LINGO2: variants seen among roughly 807,000 people sequenced by gnomAD.
LINGO2 encodes leucine rich repeat and Ig domain containing 2.
A neutral mutation model predicts 30.6 loss-of-function variants in LINGO2; 14 were observed. That is an observed-to-expected ratio of 0.46 (90% CI 0.30 to 0.72). The LOEUF (loss-of-function observed/expected upper bound fraction) is 0.72, where lower values mean the gene tolerates loss of function less well. LINGO2 is among the 30% of genes least tolerant of loss of function. The probability of loss-of-function intolerance (pLI) is 0.07; values close to 1 mark genes in which losing one functional copy is unlikely to be tolerated. For missense variants in LINGO2, 729 were observed against 751.7 expected, an observed-to-expected ratio of 0.97 and a Z score of 0.35; for synonymous variants, 317 against 288.5, an observed-to-expected ratio of 1.10 and a Z score of -1.00.
intron 3 of LINGO2, among the ~76,000 whole-genome samples, chr9:28,328,768 T>C (rs1044191775): frequency 5.3e-5 from 8 of 152,228 alleles, no homozygotes; most frequent in East Asian, 3.9e-4. Flanking sequence ...TCAAATAAGT[T>C]ATAGGATTCT....
chr9:28,579,381 A>G (rs1824151440), intron 1 of LINGO2, among the ~76,000 whole-genome samples: 1 of 152,158 alleles, frequency 6.6e-6, no homozygotes, highest in Non-Finnish European at 1.5e-5. Context: ...TATTAAGGAA[A>G]CCGTATTGGT....
the LINGO2 span, among the ~76,000 whole-genome samples, chr9:29,195,384 T>C: frequency 6.6e-6 from 1 of 152,080 alleles, no homozygotes; most frequent in East Asian, 1.9e-4. Context: ...TGGGTGTGTG[T>C]TATGCCTCTG....
chr9:28,416,365 T>C (rs1822968175), intron 2 of LINGO2, among the ~76,000 whole-genome samples: 1 of 152,182 alleles, frequency 6.6e-6, no homozygotes. Context: ...TTCTCTCCTT[T>C]GTGATTCTTG....
chr9:28,476,623 A>T (rs977117396), intron 1 of LINGO2, among the ~76,000 whole-genome samples: 1 of 151,874 alleles, frequency 6.6e-6, no homozygotes, highest in African/African-American at 2.4e-5. Flanking sequence ...TCATGTTTAA[A>T]GCCATTCATA....
At chr9:28,802,394 A>C in the LINGO2 span, among the ~76,000 whole-genome samples, 1 of 152,070 alleles carries the variant, frequency 6.6e-6, no homozygotes, top group Non-Finnish European at 1.5e-5. Context: ...TAAGATGAGC[A>C]GTTGTCTATA....
chr9:28,959,586 TA>T, the LINGO2 span, among the ~76,000 whole-genome samples: 13 of 43,468 alleles, frequency 3.0e-4, no homozygotes, highest in African/African-American at 5.2e-4. Flanking sequence ...TCTTTTCTTT[TA>T]TCTCTCTCTC....
intron 4 of LINGO2, among the ~76,000 whole-genome samples, chr9:28,015,666 T>G (rs1272186905): frequency 2.6e-5 from 4 of 152,080 alleles, no homozygotes; most frequent in African/African-American, 9.7e-5. Context: ...ATGCCAAGGA[T>G]AGTTGTTTTT....
At chr9:28,340,743 T>C (rs548639164) in intron 3 of LINGO2, among the ~76,000 whole-genome samples, 3 of 152,216 alleles carry the variant, frequency 2.0e-5, no homozygotes, top group Admixed American at 6.5e-5. Flanking sequence ...CAGTCTGTCT[T>C]TGGAACATGA....
the LINGO2 span, among the ~76,000 whole-genome samples, chr9:28,758,666 G>A: frequency 1.3e-4 from 19 of 151,972 alleles, no homozygotes; most frequent in Non-Finnish European, 2.4e-4. Context: ...TCATCTGGAT[G>A]GTTTCAAGAA....
chr9:28,544,015 G>A (rs759457284), intron 1 of LINGO2, among the ~76,000 whole-genome samples: 7 of 152,002 alleles, frequency 4.6e-5, no homozygotes, highest in Non-Finnish European at 1.0e-4. Context: ...GACCAACCTG[G>A]CCAACATGGC....
the LINGO2 span, among the ~76,000 whole-genome samples, chr9:28,937,303 G>A: frequency 6.6e-6 from 1 of 152,124 alleles, no homozygotes; most frequent in Non-Finnish European, 1.5e-5. Flanking sequence ...GGCAGCATTT[G>A]AAATTTGTTT....
At chr9:29,018,829 G>T in the LINGO2 span, among the ~76,000 whole-genome samples, 2 of 152,150 alleles carry the variant, frequency 1.3e-5, no homozygotes, top group Non-Finnish European at 2.9e-5. Context: ...TAAGACAAAG[G>T]TTTCTTAAAT....
Position 28,394,986 on chromosome 9 carries a change from G to T in LINGO2, c.-278-22118C>A, listed in dbSNP as rs535066469. ...GCATTTAACTCCCATTTGGCATGAG[G>T]CCATTGCTCTCACATTCATTAGATT... On this transcript the variant is annotated intron_variant, in intron 2 of 5. Coordinates refer to ENST00000379992, the Ensembl canonical transcript of LINGO2. Among the ~76,000 whole-genome samples the T allele has an allele frequency of 6.6e-5, 10 of 152,270 alleles. No homozygotes were observed. The South Asian group carries it at 2.1e-3, about 32-fold the overall frequency.
intron 2 of LINGO2, among the ~76,000 whole-genome samples, chr9:28,408,289 T>C (rs1822593746): frequency 6.6e-6 from 1 of 152,124 alleles, no homozygotes; most frequent in African/African-American, 2.4e-5. Context: ...TGAGATCACT[T>C]TACAGAGCAC....
In LINGO2 at chr9:27,953,624, CCT is replaced by C. The variant is rs576925370; in HGVS notation, c.-35-2920_-35-2919del. ...CTGGTGGTTTTATAAGGGGCTTTTC[CCT>C]CTTTGTTCATTCTTTTCCTTCCTGC... On this transcript the variant is annotated intron_variant, in intron 5 of 5. Transcript: ENST00000379992. 1.6e-4 allele frequency among the ~76,000 whole-genome samples: 25 copies of C among 152,160 alleles called. No homozygotes were observed. In the South Asian group the frequency reaches 5.2e-3, roughly 32 times the overall value.
chr9:29,002,693 T>C, the LINGO2 span, among the ~76,000 whole-genome samples: 1 of 152,018 alleles, frequency 6.6e-6, no homozygotes, highest in Non-Finnish European at 1.5e-5. Context: ...ATATATACCC[T>C]GCGACACCTT....
At chr9:28,941,184 G>A in the LINGO2 span, among the ~76,000 whole-genome samples, 3 of 152,112 alleles carry the variant, frequency 2.0e-5, no homozygotes, top group African/African-American at 7.2e-5. Context: ...TATTAGCTAT[G>A]GAAAGCTACA....
rs77667019 is a variant in LINGO2, at chr9:28,521,379, A to G, written c.-364-45354T>C. ...GGAGGCGACACCACTGTATGTAGAC[A>G]GGGTTCCTACTTACAATGCCAAACC... On this transcript the variant is annotated intron_variant, in intron 1 of 5. Coordinates refer to ENST00000379992, the Ensembl canonical transcript of LINGO2. Among the ~76,000 whole-genome samples the G allele has an allele frequency of 8.1e-3, 1,235 of 152,318 alleles. 18 individuals carry two copies. Among genetic ancestry groups the G allele is most frequent in the African/African-American group, 0.028 (1,163 of 41,576 alleles).
chr9:28,524,282 A>G (rs895716244), intron 1 of LINGO2, among the ~76,000 whole-genome samples: 9 of 152,208 alleles, frequency 5.9e-5, no homozygotes, highest in African/African-American at 2.2e-4. Flanking sequence ...CTAAAAATGA[A>G]TAATAGAATT....
Sources: gnomAD v4.1 joint callset for allele counts (sites outside exome capture counted in the v4.1 genomes callset) on GRCh38, gnomAD v4.1.1 for gene constraint, MANE v1.5 for transcripts, NCBI Gene and HGNC (gene_info 2026-07-23, HGNC 2026-07-21) for gene names.